The following LRFN2 variants were observed in gnomAD, a reference collection of about 807,000 sequenced individuals.
The protein encoded by LRFN2 is leucine rich repeat and fibronectin type III domain containing 2, also known as leucine-rich repeat and fibronectin type-III domain-containing protein 2.
In LRFN2, 18 loss-of-function variants were observed where a neutral mutation model predicts 37.3. The observed-to-expected ratio is 0.48, with a 90% confidence interval of 0.33 to 0.72. The LOEUF is 0.72. Among genes scored for constraint, LRFN2 ranks in the 30% least tolerant of loss-of-function variants. The pLI is 0.02. For missense variants in LRFN2, 1,006 were observed against 1,060.7 expected (o/e 0.95, Z 0.72); for synonymous variants, 556 against 466.6 (o/e 1.19, Z -2.47).
chr6:40,443,509 C>T (rs901856953), intron 1 of LRFN2, among the ~76,000 whole-genome samples: 1 of 152,174 alleles, frequency 6.6e-6, no homozygotes, highest in Non-Finnish European at 1.5e-5. Context: ...ATCTTATCCC[C>T]ATGCACATAC....
At chr6:40,405,342 A>G (rs546874904) in intron 2 of LRFN2, among the ~76,000 whole-genome samples, 1 of 152,190 alleles carries the variant, frequency 6.6e-6, no homozygotes, top group Admixed American at 6.5e-5. Flanking sequence ...CAGCTGTAAT[A>G]CCTTATCTTG....
At chr6:40,431,049 G>T (rs564757721) in intron 2 of LRFN2, among the ~76,000 whole-genome samples, 3 of 152,134 alleles carry the variant, frequency 2.0e-5, no homozygotes, top group Non-Finnish European at 2.9e-5. Context: ...CCTGAAGCAG[G>T]TTCCTGACTT....
chr6:40,481,705 C>T (rs1344968855), intron 1 of LRFN2, among the ~76,000 whole-genome samples: 1 of 152,090 alleles, frequency 6.6e-6, no homozygotes, highest in East Asian at 1.9e-4. Flanking sequence ...CTTCCAGTTG[C>T]CCAGTGACTG....
At chr6:40,451,390 A>T (rs1231721157) in intron 1 of LRFN2, among the ~76,000 whole-genome samples, 2 of 152,102 alleles carry the variant, frequency 1.3e-5, no homozygotes, top group Non-Finnish European at 2.9e-5. Flanking sequence ...TTCTTCCTGC[A>T]CACCTGAGAC....
chr6:40,482,202 TC>T (rs1461160595), intron 1 of LRFN2, among the ~76,000 whole-genome samples: 2 of 152,134 alleles, frequency 1.3e-5, no homozygotes, highest in Admixed American at 6.5e-5. Flanking sequence ...AACCTTGGCT[TC>T]TGAAACTCAC....
intron 1 of LRFN2, among the ~76,000 whole-genome samples, chr6:40,569,014 C>T (rs1027601400): frequency 6.6e-6 from 1 of 152,158 alleles, no homozygotes; most frequent in Admixed American, 6.5e-5. Context: ...TGCCTCCAAG[C>T]GAGGATAAAT....
Position 40,562,096 on chromosome 6 carries a change from G to A in LRFN2, c.-19+24845C>T, listed in dbSNP as rs567010738. On this transcript the variant is annotated intron_variant, in intron 1 of 2. Coordinates refer to ENST00000338305, the MANE Select transcript of LRFN2 (RefSeq NM_020737.3). ...TGGAAAATGACAGTCCAACTTGGGC[G>A]TATGGAAAGTGATAGAGAAGGATCA... Among the ~76,000 whole-genome samples the A allele has an allele frequency of 6.4e-4, 98 of 152,326 alleles. 6 individuals carry two copies. Among genetic ancestry groups the A allele is most frequent in the South Asian group, 8.3e-4 (4 of 4,828 alleles).
At chr6:40,518,758 G>A (rs1395440737) in intron 1 of LRFN2, among the ~76,000 whole-genome samples, 1 of 152,074 alleles carries the variant, frequency 6.6e-6, no homozygotes, top group Non-Finnish European at 1.5e-5. Context: ...CAAGCACTAG[G>A]GGCATGAAAA....
chr6:40,508,929 G>C (rs920092721), intron 1 of LRFN2, among the ~76,000 whole-genome samples: 2 of 152,114 alleles, frequency 1.3e-5, no homozygotes, highest in South Asian at 2.1e-4. Context: ...GCAATGATTG[G>C]GTTGATAAGA....
intron 1 of LRFN2, among the ~76,000 whole-genome samples, chr6:40,455,422 C>T (rs1393884852): frequency 1.3e-5 from 2 of 152,196 alleles, no homozygotes; most frequent in Non-Finnish European, 2.9e-5. Context: ...CCCACACCAC[C>T]TTGTGGCATG....
At chr6:40,570,360 A>G (rs1318309980) in intron 1 of LRFN2, among the ~76,000 whole-genome samples, 2 of 152,046 alleles carry the variant, frequency 1.3e-5, no homozygotes, top group Non-Finnish European at 2.9e-5. Context: ...TTTAGCCCAA[A>G]CCACACCTCT....
intron 1 of LRFN2, among the ~76,000 whole-genome samples, chr6:40,572,252 A>C (rs1219816168): frequency 3.9e-5 from 6 of 152,206 alleles, no homozygotes; most frequent in African/African-American, 9.6e-5. Context: ...AATAAATTAG[A>C]TAATAAGTAC....
At chr6:40,457,415 C>T (rs1169199676) in intron 1 of LRFN2, among the ~76,000 whole-genome samples, 1 of 151,812 alleles carries the variant, frequency 6.6e-6, no homozygotes, top group Non-Finnish European at 1.5e-5. Context: ...TAAATATTTT[C>T]TGTTATACCA....
intron 1 of LRFN2, among the ~76,000 whole-genome samples, chr6:40,451,183 C>G (rs1764096106): frequency 6.6e-6 from 1 of 152,174 alleles, no homozygotes; most frequent in Admixed American, 6.5e-5. Context: ...TCGTATGCCA[C>G]ATTTTTTGTG....
At chr6:40,542,733 C>T (rs1320017602) in intron 1 of LRFN2, among the ~76,000 whole-genome samples, 1 of 152,194 alleles carries the variant, frequency 6.6e-6, no homozygotes, top group Non-Finnish European at 1.5e-5. Context: ...GCCCTGCTAC[C>T]TCTCCCTCTC....
At position 40,392,548 on chromosome 6, in the gene LRFN2, T is replaced by C; in HGVS notation, c.1765A>G (p.Ser589Gly). The C allele has an allele frequency of 1.3e-6, 2 of 1,590,034 alleles. No homozygotes were observed. Among genetic ancestry groups the C allele is most frequent in the Non-Finnish European group, 1.7e-6 (2 of 1,171,870 alleles). The change falls in exon 3 of 3, where the codon AGC becomes GGC. Residue 589 changes from serine (S) to glycine (G), a missense_variant. Ser to Gly is a moderately conservative substitution (Grantham distance 56, BLOSUM62 0). Coordinates refer to ENST00000338305, the MANE Select transcript of LRFN2 (RefSeq NM_020737.3). This position sits in a 1 kb window ranked among gnomAD's most constrained non-coding sequence, Gnocchi z 4.7. ...TNGAQPPPPS[S>G]APAGAPPQGP... ...TGCGGCGGGGCCCCGGCTGGTGCGC[T>C]GCTTGGAGGCGGTGGCTGGGCGCCG...
At chr6:40,581,558 A>AG (rs1194439609) in intron 1 of LRFN2, among the ~76,000 whole-genome samples, 6 of 152,272 alleles carry the variant, frequency 3.9e-5, no homozygotes, top group South Asian at 2.1e-4. Context: ...CTTCTTCCCC[A>AG]GGGGGGCATT....
rs201174504 is a variant in LRFN2 at position 40,392,462 on chromosome 6, G to T, written c.1851C>A (p.Arg617=). Residue 617 remains arginine (R), a synonymous_variant, in exon 3 of 3, where the codon CGC becomes CGA. Coordinates refer to ENST00000338305, the MANE Select transcript of LRFN2 (RefSeq NM_020737.3). This position sits in a 1 kb window ranked among gnomAD's most constrained non-coding sequence, Gnocchi z 4.7. ...AGCTGGAGGAAGAGGAGTCACTGGC[G>T]CGGGCCAGGCTGGCGGTGAAGTCCA... ...ELLDFTASLA[R]ASDSSSSSSL... is the part of the protein sequence containing the mutation. 1.1e-5 allele frequency: 17 copies of T among 1,567,838 alleles called. No individual in the cohort carries two copies. Among genetic ancestry groups the T allele is most frequent in the Admixed American group, 1.9e-5 (1 of 53,160 alleles).
rs1762509948 is a variant in LRFN2, at chr6:40,391,897, C to G, written c.*46G>C. 1.0e-5 allele frequency: 15 copies of G among 1,473,490 alleles called. No individual in the cohort carries two copies. Among genetic ancestry groups the G allele is most frequent in the Non-Finnish European group, 1.4e-5 (15 of 1,109,004 alleles). 91.3% of individuals were successfully genotyped at this position (1,473,490 alleles called of 1,614,324 possible). ...AACACTTGCCAGTGAGATTCTTTCC[C>G]CTTCTCCCACCCTGCGCACAGGAAA... On this transcript the variant is annotated 3_prime_UTR_variant, in exon 3 of 3. Coordinates refer to ENST00000338305, the MANE Select transcript of LRFN2 (RefSeq NM_020737.3).
Sources: gnomAD v4.1 joint callset for allele counts (sites outside exome capture counted in the v4.1 genomes callset) on GRCh38, gnomAD v4.1.1 for gene constraint, Gnocchi (gnomAD v3.1) non-coding constraint, MANE v1.5 for transcripts, NCBI Gene and HGNC (gene_info 2026-07-23, HGNC 2026-07-21) for gene names.